OTUD7A: variants seen among roughly 807,000 people sequenced by gnomAD.
OTUD7A encodes the protein OTU deubiquitinase 7A.
A neutral mutation model predicts 65.7 loss-of-function variants in OTUD7A; 12 were observed. That is an observed-to-expected ratio of 0.18 (90% CI 0.12 to 0.30). The LOEUF (loss-of-function observed/expected upper bound fraction) is 0.30, where lower values mean the gene tolerates loss of function less well. OTUD7A is among the 10% of genes least tolerant of loss of function. The pLI is 1.00. For synonymous variants in OTUD7A, 641 were observed against 586.3 expected, an observed-to-expected ratio of 1.09 and a Z score of -1.35; for missense variants, 1,148 against 1,304.8, an observed-to-expected ratio of 0.88 and a Z score of 1.85.
chr15:31,804,398 G>A (rs1042571027), intron 1 of OTUD7A, among the ~76,000 whole-genome samples: 1 of 152,070 alleles, frequency 6.6e-6, no homozygotes, highest in Non-Finnish European at 1.5e-5. Flanking sequence ...TGTCCTTAAA[G>A]GGACCCAGGA....
intron 3 of OTUD7A, among the ~76,000 whole-genome samples, chr15:31,622,130 T>C (rs1890807296): frequency 6.6e-6 from 1 of 152,194 alleles, no homozygotes; most frequent in Non-Finnish European, 1.5e-5. Context: ...TGCCGAGAGA[T>C]CAGCTGTTAG....
rs145358332 is a variant in OTUD7A, at chr15:31,571,934, T to A, written c.152-1737A>T. ...CTCTTCTGCACCCTGGGACACTCTA[T>A]GGTCCCTTCACTGTTTCCTTTGCCT... On this transcript the variant is annotated intron_variant, in intron 3 of 12. Transcript: ENST00000307050. Among the ~76,000 whole-genome samples the A allele has an allele frequency of 2.6e-3, 402 of 152,296 alleles. 2 individuals carry two copies. The highest frequency in any genetic ancestry group is 2.7e-3 in the Non-Finnish European group (187 of 68,008).
At chr15:31,772,484 C>T (rs947135321) in intron 1 of OTUD7A, among the ~76,000 whole-genome samples, 2 of 152,092 alleles carry the variant, frequency 1.3e-5, no homozygotes, top group East Asian at 1.9e-4. Context: ...CTAAATCTGA[C>T]GATTCTCCAT....
At chr15:31,690,804 G>A (rs2141317392) in intron 1 of OTUD7A, among the ~76,000 whole-genome samples, 1 of 152,314 alleles carries the variant, frequency 6.6e-6, no homozygotes, top group East Asian at 1.9e-4. Context: ...AGACCTAAAT[G>A]TAAGAGCTAA....
intron 1 of OTUD7A, among the ~76,000 whole-genome samples, chr15:31,833,032 A>C (rs1896973342): frequency 6.6e-6 from 1 of 152,224 alleles, no homozygotes. Flanking sequence ...AACAGTGAGC[A>C]AGGGCTCCAA....
intron 1 of OTUD7A, among the ~76,000 whole-genome samples, chr15:31,659,467 C>CT (rs1316307912): frequency 6.6e-6 from 1 of 152,232 alleles, no homozygotes; most frequent in Non-Finnish European, 1.5e-5. Flanking sequence ...GCTGCAGAAT[C>CT]TAAGAGGGTG....
chr15:31,674,899 G>A (rs571505460), intron 1 of OTUD7A, among the ~76,000 whole-genome samples: 1 of 152,312 alleles, frequency 6.6e-6, no homozygotes, highest in East Asian at 1.9e-4. Flanking sequence ...GGTGGAGTAG[G>A]AAGCTATTTC....
intron 1 of OTUD7A, among the ~76,000 whole-genome samples, chr15:31,840,781 C>T (rs1897164697): frequency 6.6e-6 from 1 of 152,154 alleles, no homozygotes; most frequent in South Asian, 2.1e-4. Flanking sequence ...CTAGTACATC[C>T]CATTACGAGA....
chr15:31,658,040 G>T (rs535025271), intron 1 of OTUD7A, among the ~76,000 whole-genome samples: 1 of 152,242 alleles, frequency 6.6e-6, no homozygotes, highest in Non-Finnish European at 1.5e-5. Flanking sequence ...AGTGCCGTGT[G>T]GGGACAGAGC....
At chr15:31,818,385 T>C (rs980969026) in intron 1 of OTUD7A, among the ~76,000 whole-genome samples, 2 of 152,148 alleles carry the variant, frequency 1.3e-5, no homozygotes, top group African/African-American at 2.4e-5. Flanking sequence ...TCTCTCTTTA[T>C]AGGGAGAAAA....
chr15:31,585,311 A>T (rs1450487055), intron 3 of OTUD7A, among the ~76,000 whole-genome samples: 1 of 152,226 alleles, frequency 6.6e-6, no homozygotes, highest in African/African-American at 2.4e-5. Flanking sequence ...TAGGTTCTCA[A>T]ATGACAAACA....
At chr15:31,684,762 A>C (rs1892797749) in intron 1 of OTUD7A, among the ~76,000 whole-genome samples, 1 of 148,888 alleles carries the variant, frequency 6.7e-6, no homozygotes, top group South Asian at 2.3e-4. Flanking sequence ...TGGTCTTGGA[A>C]GTGACATCTG....
intron 1 of OTUD7A, among the ~76,000 whole-genome samples, chr15:31,749,705 G>A (rs1316530726): frequency 1.3e-5 from 2 of 151,714 alleles, no homozygotes; most frequent in Non-Finnish European, 2.9e-5. Flanking sequence ...GTCCTAACCA[G>A]AACGATCAGG....
Position 31,805,451 on chromosome 15 carries a change from C to T in OTUD7A, c.-100+65056G>A, listed in dbSNP as rs372095488. On this transcript the variant is annotated intron_variant, in intron 1 of 12. Coordinates refer to ENST00000307050, the MANE Select transcript of OTUD7A (RefSeq NM_001382637.1). Reference sequence around the variant, plus strand: ...GGCCCTGTATGCAGGAAGGGCCTGACGCGTGAACCCTCTCTTCTATCCACC... The same window carrying T: ...GGCCCTGTATGCAGGAAGGGCCTGATGCGTGAACCCTCTCTTCTATCCACC... 3.9e-4 allele frequency among the ~76,000 whole-genome samples: 59 copies of T among 152,306 alleles called. No homozygotes were observed. In the South Asian group the frequency reaches 5.0e-3, roughly 13 times the overall value.
At position 31,680,716 on chromosome 15, in the gene OTUD7A, T is replaced by C. The variant is rs371732590; in HGVS notation, c.-99-23639A>G. ...AAACTATTAAATAAGATACAAGAAA[T>C]GACAGGGGACTGGGCTCCAGATGGA... On this transcript the variant is annotated intron_variant, in intron 1 of 12. Coordinates refer to ENST00000307050, the MANE Select transcript of OTUD7A (RefSeq NM_001382637.1). Among the ~76,000 whole-genome samples, 124 of 152,306 alleles carry C rather than the reference T, an allele frequency of 8.1e-4. 1 individual carries two copies. In the East Asian group the frequency reaches 0.012, roughly 15 times the overall value.
intron 3 of OTUD7A, among the ~76,000 whole-genome samples, chr15:31,610,851 G>A (rs901125608): frequency 1.2e-4 from 18 of 150,944 alleles, no homozygotes; most frequent in African/African-American, 2.7e-4. Flanking sequence ...GGATGGTCTC[G>A]ATCTCCTGAC....
intron 3 of OTUD7A, among the ~76,000 whole-genome samples, chr15:31,646,330 C>T (rs1891662482): frequency 1.3e-5 from 2 of 152,166 alleles, no homozygotes; most frequent in South Asian, 4.1e-4. Context: ...AGGCTTTATC[C>T]ATGCACAGAC....
chr15:31,609,512 A>G (rs1281261420), intron 3 of OTUD7A, among the ~76,000 whole-genome samples: 1 of 151,722 alleles, frequency 6.6e-6, no homozygotes, highest in Non-Finnish European at 1.5e-5. Flanking sequence ...CAGGAACACA[A>G]CTCCATTGAC....
chr15:31,753,907 T>C (rs1894734987), intron 1 of OTUD7A, among the ~76,000 whole-genome samples: 1 of 151,796 alleles, frequency 6.6e-6, no homozygotes, highest in Non-Finnish European at 1.5e-5. Context: ...GATCAAGTGG[T>C]AGTTCTACTT....
Sources: gnomAD v4.1 joint callset for allele counts (sites outside exome capture counted in the v4.1 genomes callset) on GRCh38, gnomAD v4.1.1 for gene constraint, MANE v1.5 for transcripts, NCBI Gene and HGNC (gene_info 2026-07-23, HGNC 2026-07-21) for gene names.